MYO6: variants seen among roughly 807,000 people sequenced by gnomAD.
The protein encoded by MYO6 is myosin VI.
MYO6 carries 74 observed loss-of-function variants against 178.7 expected under a neutral mutation model. The observed-to-expected ratio is 0.41, with a 90% CI of 0.34 to 0.50. The LOEUF is 0.50. Among genes scored for constraint, MYO6 ranks in the 20% least tolerant of loss-of-function variants. The pLI, the probability that MYO6 is intolerant of heterozygous loss-of-function variation, is 0.09. For missense variants in MYO6, 1,330 were observed against 1,547.4 expected (o/e 0.86, Z 2.36); for synonymous variants, 477 against 504.6 (o/e 0.95, Z 0.73).
At chr6:75,873,175 T>C in intron 19 of MYO6, 32 bp from the exon 20 acceptor site, 1 of 1,519,830 alleles carries the variant, frequency 6.6e-7, no homozygotes, top group Non-Finnish European at 9.1e-7. Context: ...ATGCTATATG[T>C]ATTGTAACAA....
intron 1 of MYO6, among the ~76,000 whole-genome samples, chr6:75,749,807 G>A (rs1776692726): frequency 6.6e-6 from 1 of 152,174 alleles, no homozygotes; most frequent in Non-Finnish European, 1.5e-5. Flanking sequence ...AGTTTGCTCT[G>A]AGATGTGAAG....
chr6:75,762,190 C>T (rs1182224374), intron 1 of MYO6, among the ~76,000 whole-genome samples: 2 of 152,182 alleles, frequency 1.3e-5, no homozygotes, highest in Admixed American at 1.3e-4. Flanking sequence ...CTGCCTCGGC[C>T]TCCCATAGTG....
rs987546201 is a variant in MYO6 at position 75,917,423 on chromosome 6, T to C, written c.*2411T>C. 3.9e-5 allele frequency: 6 copies of C among 152,602 alleles called. No individual in the cohort carries two copies. The highest frequency in any genetic ancestry group is 1.4e-4 in the African/African-American group (6 of 41,470). The allele number at this position is 152,602 out of a possible 1,614,324, so 9.5% of individuals were successfully genotyped here. ...ATTCAATTTTAATATAATTCCTAAT[T>C]GTGGTAACACAGTTGAGATATGTAT... On this transcript the variant is annotated 3_prime_UTR_variant, in exon 35 of 35. Transcript: ENST00000369977.
chr6:75,892,169 T>C (rs773766745), intron 27 of MYO6, among the ~76,000 whole-genome samples: 16 of 152,234 alleles, frequency 1.1e-4, no homozygotes, highest in Non-Finnish European at 1.5e-4. Flanking sequence ...TTTCATAATA[T>C]ATCCTAAGCA....
At chr6:75,878,968 C>T (rs1355327502) in intron 20 of MYO6, among the ~76,000 whole-genome samples, 1 of 152,186 alleles carries the variant, frequency 6.6e-6, no homozygotes, top group African/African-American at 2.4e-5. Context: ...ATCCAATAGA[C>T]TAATCATCCC....
At chr6:75,806,633 C>A (rs1770119106) in intron 1 of MYO6, among the ~76,000 whole-genome samples, 1 of 152,212 alleles carries the variant, frequency 6.6e-6, no homozygotes, top group Admixed American at 6.5e-5. Context: ...GGGCAAGGAA[C>A]ACCTGGCCCG....
chr6:75,893,679 T>G (rs1583390805), intron 28 of MYO6, among the ~76,000 whole-genome samples: 1 of 152,330 alleles, frequency 6.6e-6, no homozygotes, highest in East Asian at 1.9e-4. Context: ...TGCAATAACT[T>G]TTGCACCCAC....
chr6:75,852,291 A>G (rs975213247), intron 11 of MYO6, among the ~76,000 whole-genome samples: 7 of 152,342 alleles, frequency 4.6e-5, no homozygotes, highest in African/African-American at 1.7e-4. Flanking sequence ...TTTTCATAGA[A>G]TGAAACATTC....
intron 1 of MYO6, among the ~76,000 whole-genome samples, chr6:75,781,345 A>G (rs577942490): frequency 1.9e-3 from 284 of 152,274 alleles, no homozygotes; most frequent in Non-Finnish European, 3.1e-3. Context: ...GCAATACAGG[A>G]AGAATAGGGG....
chr6:75,767,912 C>A (rs1356963929), intron 1 of MYO6: 1 of 152,144 alleles, frequency 6.6e-6, no homozygotes, highest in African/African-American at 2.4e-5. Context: ...TCCCAAAACA[C>A]TTTCACCATT....
In MYO6 at chr6:75,857,362, T is replaced by A. The variant is rs796895089; in HGVS notation, c.1381+108T>A. The A allele has an allele frequency of 3.4e-5, 36 of 1,073,914 alleles. No individual in the cohort carries two copies. The African/African-American group carries it at 4.1e-4, about 12-fold the overall frequency. The allele number at this position is 1,073,914 out of a possible 1,614,324, so 66.5% of individuals were successfully genotyped here. On this transcript the variant is annotated intron_variant, in intron 13 of 34. Transcript: ENST00000369977. ...TGTAACTCATTTTACTTGATGTATG[T>A]GTAATTATATGTCCACACTCACATT...
chr6:75,749,833 TAATA>T (rs1163266560), intron 1 of MYO6, among the ~76,000 whole-genome samples: 1 of 152,148 alleles, frequency 6.6e-6, no homozygotes, highest in Non-Finnish European at 1.5e-5. Flanking sequence ...ATGATACCAT[TAATA>T]GTCTAATCAT....
At chr6:75,818,065 T>C (rs552595484) in intron 2 of MYO6, among the ~76,000 whole-genome samples, 1 of 152,342 alleles carries the variant, frequency 6.6e-6, no homozygotes, top group East Asian at 1.9e-4. Context: ...GAAAAGTGAA[T>C]GTGGAGATAT....
At chr6:75,810,136 G>T (rs1165136077) in intron 1 of MYO6, among the ~76,000 whole-genome samples, 1 of 150,256 alleles carries the variant, frequency 6.7e-6, no homozygotes, top group African/African-American at 2.5e-5. Flanking sequence ...GTTATGTAGA[G>T]AAGCTTCATA....
At chr6:75,792,993 T>C (rs1042999069) in intron 1 of MYO6, among the ~76,000 whole-genome samples, 1 of 152,046 alleles carries the variant, frequency 6.6e-6, no homozygotes, top group Non-Finnish European at 1.5e-5. Flanking sequence ...GATCTCGTCA[T>C]GTTGACCAGG....
chr6:75,762,437 G>C (rs139562144), intron 1 of MYO6, among the ~76,000 whole-genome samples: 352 of 152,256 alleles, frequency 2.3e-3, no homozygotes, highest in Non-Finnish European at 3.9e-3. Context: ...GCTTCCAGGT[G>C]GTCTGGCTCT....
At chr6:75,862,341 A>G (rs570853333) in intron 15 of MYO6, among the ~76,000 whole-genome samples, 2 of 152,316 alleles carry the variant, frequency 1.3e-5, no homozygotes, top group African/African-American at 2.4e-5. Context: ...TGGAATGGTT[A>G]TTATAGTCAT....
At chr6:75,886,455 A>C (rs1202585357) in intron 24 of MYO6, among the ~76,000 whole-genome samples, 1 of 152,220 alleles carries the variant, frequency 6.6e-6, no homozygotes, top group African/African-American at 2.4e-5. Context: ...TGTTTACATA[A>C]TTTTCAAGAT....
At position 75,833,302 on chromosome 6, in the gene MYO6, A is replaced by C. The variant is rs1773313998; in HGVS notation, c.497+355A>C. Among the ~76,000 whole-genome samples the C allele has an allele frequency of 2.0e-5, 3 of 152,198 alleles. No individual in the cohort carries two copies. The South Asian group carries it at 6.2e-4, about 31-fold the overall frequency. ...ACCACCATGCTTGGCAACCAGGTTGACTTTTTTCTGGTAAAAAAATACTTA... is the reference window on the plus strand; with the variant it reads ...ACCACCATGCTTGGCAACCAGGTTGCCTTTTTTCTGGTAAAAAAATACTTA... On this transcript the variant is annotated intron_variant, in intron 6 of 34. Transcript: ENST00000369977.
Sources: allele counts gnomAD v4.1 joint callset (sites outside exome capture counted in the v4.1 genomes callset), GRCh38; gene constraint gnomAD v4.1.1; transcripts MANE v1.5; gene names NCBI Gene and HGNC (gene_info 2026-07-23, HGNC 2026-07-21).